The following GPRC5A variants were observed in gnomAD, a reference collection of about 807,000 sequenced individuals.
GPRC5A encodes the protein retinoic acid-induced protein 3.
Under a neutral mutation model 22.5 loss-of-function variants are expected in GPRC5A, and 19 were observed. The ratio of observed to expected loss-of-function variants is 0.85; its 90% confidence interval spans 0.59 to 1.24. The LOEUF (loss-of-function observed/expected upper bound fraction) is 1.24. Ranked by LOEUF, GPRC5A falls within the 50% of genes most tolerant of loss-of-function variation. The probability of loss-of-function intolerance (pLI) is 0.00; values close to 1 mark genes in which losing one functional copy is unlikely to be tolerated. For missense variants in GPRC5A, 471 were observed against 451.1 expected, an observed-to-expected ratio of 1.04 and a Z score of -0.40; for synonymous variants, 192 against 184.5, an observed-to-expected ratio of 1.04 and a Z score of -0.33.
intron 2 of GPRC5A, among the ~76,000 whole-genome samples, chr12:12,910,093 C>T (rs1863987692): frequency 1.3e-5 from 2 of 152,104 alleles, no homozygotes; most frequent in Admixed American, 1.3e-4. Flanking sequence ...CATTGGTCTC[C>T]AGGGTTTACA....
intron 1 of GPRC5A, among the ~76,000 whole-genome samples, chr12:12,900,681 G>A (rs1007907700): frequency 3.3e-5 from 5 of 151,632 alleles, no homozygotes; most frequent in African/African-American, 7.3e-5. Flanking sequence ...GCCTGAGGTC[G>A]GGAGGTCGAG....
At chr12:12,905,921 A>T (rs1644752204) in intron 1 of GPRC5A, among the ~76,000 whole-genome samples, 1 of 152,136 alleles carries the variant, frequency 6.6e-6, no homozygotes, top group Non-Finnish European at 1.5e-5. Context: ...GGGATCTCCT[A>T]TCCTCCTGGG....
rs1491094957 is a variant in GPRC5A at position 12,894,773 on chromosome 12, T to TTTG, written c.-8+3111_-8+3112insGTT. ...GTTGGTGCATAAAAGTCTAGGATGG[T>TTTG]TTTTTTTTTTTTTTTTTTTTTTTGA... On this transcript the variant is annotated intron_variant, in intron 1 of 3. Coordinates refer to ENST00000014914, the MANE Select transcript of GPRC5A (RefSeq NM_003979.4). Among the ~76,000 whole-genome samples, 91 of 20,176 alleles carry TTTG rather than the reference T, an allele frequency of 4.5e-3. 2 individuals are homozygous for TTTG. The highest frequency in any genetic ancestry group is 0.011 in the Admixed American group (15 of 1,368). 13.2% of individuals were successfully genotyped at this position (20,176 alleles called of 152,430 possible).
chr12:12,908,047 T>A (rs1292030563), intron 1 of GPRC5A, among the ~76,000 whole-genome samples, 196 bp from the exon 2 acceptor site: 1 of 152,218 alleles, frequency 6.6e-6, no homozygotes, highest in African/African-American at 2.4e-5. Context: ...TTCTTCCTGG[T>A]TCTTCAACAG....
chr12:12,909,125 C>T lies in GPRC5A; in HGVS notation c.876C>T (p.Ser292=). The T allele has an allele frequency of 6.3e-7, 1 of 1,599,694 alleles. No individual in the cohort carries two copies. The highest frequency in any genetic ancestry group is 8.5e-7 in the Non-Finnish European group (1 of 1,179,404). Residue 292 remains serine (S), a synonymous_variant, in exon 2 of 4, where the codon AGC becomes AGT. Transcript: ENST00000014914. ...GTAAACCTCAACTCGTGAAGAAGAG[C>T]TATGGTGTGGAGAACAGAGCCTACT... is the stretch of plus-strand genomic sequence containing the variant. The part of the protein sequence containing the change: ...AFCKPQLVKK[S]YGVENRAYSQ...
At chr12:12,912,051 A>C (rs759424495) in intron 2 of GPRC5A, 33 bp from the exon 3 acceptor site, 5 of 1,525,626 alleles carry the variant, frequency 3.3e-6, no homozygotes, top group Non-Finnish European at 4.5e-6. Context: ...TGGGGGCCCC[A>C]GTGGTTTAAT....
Position 12,908,764 on chromosome 12 carries a change from G to A in GPRC5A, c.515G>A (p.Arg172His), listed in dbSNP as rs148818955. 2.5e-5 allele frequency: 41 copies of A among 1,614,066 alleles called. No individual in the cohort carries two copies. Among genetic ancestry groups the A allele is most frequent in the Non-Finnish European group, 2.7e-5 (32 of 1,180,050 alleles). ...VNVFSELSAP[R>H]RNEDFVLLLT... is the part of the protein sequence containing the mutation. ...GTCTTTTCTGAGCTTTCCGCTCCTC[G>A]TCGCAATGAAGACTTTGTCCTCCTG... is the stretch of plus-strand genomic sequence containing the variant. Residue 172 changes from arginine (R) to histidine (H), a missense_variant, in exon 2 of 4, where the codon CGT becomes CAT. Physicochemically the swap from Arg to His is conservative, Grantham distance 29 (BLOSUM62 0). Coordinates refer to ENST00000014914, the MANE Select transcript of GPRC5A (RefSeq NM_003979.4).
chr12:12,910,183 C>G lies in GPRC5A; in HGVS notation c.922+1012C>G, dbSNP rs145708652. On this transcript the variant is annotated intron_variant, in intron 2 of 3. Transcript: ENST00000014914. ...ACCTCCAAGGCCATGTTCTTAGCTC[C>G]AGCTAAAAATAGGTCTTTCCTTTGC... is the stretch of plus-strand genomic sequence containing the variant. 6.6e-5 allele frequency among the ~76,000 whole-genome samples: 10 copies of G among 152,240 alleles called. No individual in the cohort carries two copies. The East Asian group carries it at 1.9e-3, about 29-fold the overall frequency.
chr12:12,906,285 C>T (rs990534632), intron 1 of GPRC5A, among the ~76,000 whole-genome samples: 6 of 152,150 alleles, frequency 3.9e-5, no homozygotes, highest in African/African-American at 9.7e-5. Flanking sequence ...AGTAAAAATT[C>T]GAGGCTGGGC....
chr12:12,907,928 TG>T lies in GPRC5A; in HGVS notation c.-7-314del, dbSNP rs1490119390. Reference sequence around the variant, plus strand: ...AGGCATGAGCCAACACGTCCAGCCCTGTGAAGTTTTTTGAGATTAGGCTTCA... The same window carrying T: ...AGGCATGAGCCAACACGTCCAGCCCTTGAAGTTTTTTGAGATTAGGCTTCA... On this transcript the variant is annotated intron_variant, in intron 1 of 3. Coordinates refer to ENST00000014914, the MANE Select transcript of GPRC5A (RefSeq NM_003979.4). Among the ~76,000 whole-genome samples, 6 of 152,334 alleles carry T rather than the reference TG, an allele frequency of 3.9e-5. No homozygotes were observed. In the East Asian group the frequency reaches 1.2e-3, roughly 29 times the overall value.
intron 1 of GPRC5A, among the ~76,000 whole-genome samples, chr12:12,898,807 A>T (rs1863850706): frequency 6.6e-6 from 1 of 152,082 alleles, no homozygotes; most frequent in Non-Finnish European, 1.5e-5. Context: ...CCTTCATAAA[A>T]ATCTCCTACC....
chr12:12,900,891 C>CA (rs756416857), intron 1 of GPRC5A, among the ~76,000 whole-genome samples: 236 of 21,570 alleles, frequency 0.011, 5 homozygotes, highest in Non-Finnish European at 0.014. Flanking sequence ...AACTCCGTCT[C>CA]AAAAAAAAAA....
chr12:12,909,118 A>G lies in GPRC5A; in HGVS notation c.869A>G (p.Lys290Arg), dbSNP rs761635509. ...EDAFCKPQLV[K>R]KSYGVENRAY... is the part of the protein sequence containing the mutation. ...GCTTTCTGTAAACCTCAACTCGTGAAGAAGAGCTATGGTGTGGAGAACAGA... is the reference window on the plus strand; with the variant it reads ...GCTTTCTGTAAACCTCAACTCGTGAGGAAGAGCTATGGTGTGGAGAACAGA... The change falls in exon 2 of 4, where the codon AAG (lysine) becomes AGG (arginine). Residue 290 changes from lysine to arginine, a missense_variant. Coordinates refer to ENST00000014914, the MANE Select transcript of GPRC5A (RefSeq NM_003979.4). The G allele has an allele frequency of 6.2e-7, 1 of 1,600,642 alleles. No individual in the cohort carries two copies.
rs777351260 is a variant in GPRC5A, at chr12:12,908,326, CT to C, written c.79del (p.Trp27GlyfsTer5). 6.2e-7 allele frequency: 1 copy of C among 1,613,740 alleles called. No individual in the cohort carries two copies. Among genetic ancestry groups the C allele is most frequent in the South Asian group, 1.1e-5 (1 of 90,990 alleles). On this transcript the variant is annotated frameshift_variant, in exon 2 of 4. Coordinates refer to ENST00000014914, the MANE Select transcript of GPRC5A (RefSeq NM_003979.4). LOFTEE classifies it high-confidence loss of function. ...TACAGACTTTGTGATAAGGCTGAAG[CT>C]TGGGGCATCGTCCTAGAAACGGTGG... ...KYYRLCDKAE[A>X]WGIVLETVAT...
Position 12,912,556 on chromosome 12 carries a change from G to C in GPRC5A, c.*17G>C, listed in dbSNP as rs1398606523. Reference sequence around the variant, plus strand: ...GGCAGCTAACTCTGTCCTGAAGAGTGGGACAAATGCAGCCGGGCGGCAGAT... The same window carrying C: ...GGCAGCTAACTCTGTCCTGAAGAGTCGGACAAATGCAGCCGGGCGGCAGAT... On this transcript the variant is annotated 3_prime_UTR_variant, in exon 4 of 4. Coordinates refer to ENST00000014914, the MANE Select transcript of GPRC5A (RefSeq NM_003979.4). The C allele has an allele frequency of 6.9e-7, 1 of 1,442,656 alleles. No homozygotes were observed. Among genetic ancestry groups the C allele is most frequent in the East Asian group, 2.3e-5 (1 of 44,130 alleles). 89.4% of individuals were successfully genotyped at this position (1,442,656 alleles called of 1,614,324 possible). A position where few individuals can be genotyped will look rare whatever the true frequency, so the allele number is the denominator to read the frequency against.
chr12:12,901,061 T>C (rs1353827052), intron 1 of GPRC5A, among the ~76,000 whole-genome samples: 1 of 152,164 alleles, frequency 6.6e-6, no homozygotes, highest in African/African-American at 2.4e-5. Context: ...CTTGTGTTAC[T>C]GGATGGCTGT....
At chr12:12,901,814 G>C (rs1321608439) in intron 1 of GPRC5A, among the ~76,000 whole-genome samples, 1 of 149,908 alleles carries the variant, frequency 6.7e-6, no homozygotes, top group Non-Finnish European at 1.5e-5. Flanking sequence ...TCTACGTCAA[G>C]TGAAGGGTGG....
At chr12:12,907,660 C>A (rs1037058883) in intron 1 of GPRC5A, among the ~76,000 whole-genome samples, 1 of 152,146 alleles carries the variant, frequency 6.6e-6, no homozygotes, top group African/African-American at 2.4e-5. Context: ...GAGACAGGGT[C>A]TTGCTCTGTT....
At chr12:12,911,495 T>A (rs1228053992) in intron 2 of GPRC5A, among the ~76,000 whole-genome samples, 1 of 151,604 alleles carries the variant, frequency 6.6e-6, no homozygotes, top group East Asian at 2.0e-4. Context: ...TTTCTTTTTT[T>A]TTTTTTTGTT....
Sources: allele counts gnomAD v4.1 joint callset (sites outside exome capture counted in the v4.1 genomes callset), GRCh38; gene constraint gnomAD v4.1.1; transcripts MANE v1.5; gene names NCBI Gene and HGNC (gene_info 2026-07-23, HGNC 2026-07-21).